Variants in DEPTOR observed in about 807,000 individuals in gnomAD.
DEPTOR encodes DEP domain containing MTOR interacting protein.
Under a neutral mutation model 41.6 loss-of-function variants are expected in DEPTOR, and 41 were observed. That is an observed-to-expected ratio of 0.98 (90% CI 0.77 to 1.28). DEPTOR has a LOEUF of 1.28. DEPTOR is among the 50% of genes most tolerant of loss of function. DEPTOR has a pLI of 0.00. For missense variants in DEPTOR, 514 were observed against 527.9 expected, an observed-to-expected ratio of 0.97 and a Z score of 0.26; for synonymous variants, 195 against 192.3, an observed-to-expected ratio of 1.01 and a Z score of -0.12.
chr8:120,008,547 C>T (rs1219929178), intron 7 of DEPTOR, among the ~76,000 whole-genome samples: 1 of 102,160 alleles, frequency 9.8e-6, no homozygotes, highest in African/African-American at 3.2e-5. Context: ...AAAAAAAAAG[C>T]CAGGTCTCTT....
intron 1 of DEPTOR, among the ~76,000 whole-genome samples, chr8:119,919,111 T>C (rs16892877): frequency 0.22 from 33,374 of 152,084 alleles, 4,228 homozygotes; most frequent in African/African-American, 0.34. Context: ...GTTGGGAGAA[T>C]TCAAGCATTT....
At chr8:120,023,250 T>C (rs1182542555) in intron 8 of DEPTOR, among the ~76,000 whole-genome samples, 1 of 152,174 alleles carries the variant, frequency 6.6e-6, no homozygotes, top group Non-Finnish European at 1.5e-5. Context: ...CTTTTCTTTT[T>C]TTTGTTTTTT....
chr8:119,992,849 G>T (rs1029927863), intron 4 of DEPTOR, among the ~76,000 whole-genome samples: 4 of 151,868 alleles, frequency 2.6e-5, no homozygotes, highest in Non-Finnish European at 4.4e-5. Context: ...CTGAGACAGG[G>T]TTTCACCATG....
chr8:120,003,224 G>T, intron 6 of DEPTOR, 113 bp downstream of exon 6: 1 of 1,511,250 alleles, frequency 6.6e-7, no homozygotes, highest in Non-Finnish European at 8.9e-7. Context: ...ATAAGTTAGA[G>T]CATGCTCTTG....
At chr8:120,022,783 G>A (rs542691268) in intron 8 of DEPTOR, among the ~76,000 whole-genome samples, 1 of 151,580 alleles carries the variant, frequency 6.6e-6, no homozygotes, top group South Asian at 2.1e-4. Flanking sequence ...CAATCCTCCT[G>A]CCTTGGCCTC....
rs1234732952 is a variant in DEPTOR at position 120,050,799 on chromosome 8, C to T, written c.*1095C>T. On this transcript the variant is annotated 3_prime_UTR_variant, in exon 9 of 9. Coordinates refer to ENST00000286234, the MANE Select transcript of DEPTOR (RefSeq NM_022783.4). ...GGCTCAGCGTGCAGAGGAAATTCCT[C>T]AAAGTGCCAAATTAGGCAGTCAGGA... The T allele has an allele frequency of 6.6e-6, 1 of 152,030 alleles. No homozygotes were observed. Among genetic ancestry groups the T allele is most frequent in the Non-Finnish European group, 1.5e-5 (1 of 68,006 alleles). The allele number at this position is 152,030 out of a possible 1,614,324, so 9.4% of individuals were successfully genotyped here.
intron 4 of DEPTOR, among the ~76,000 whole-genome samples, chr8:119,967,736 A>AGAG (rs1158709609): frequency 6.7e-6 from 1 of 148,716 alleles, no homozygotes; most frequent in Admixed American, 6.8e-5. Context: ...CCTGGGTGGC[A>AGAG]GAGCAAGACT....
chr8:119,930,851 G>A (rs958481394), intron 3 of DEPTOR, among the ~76,000 whole-genome samples: 1 of 152,110 alleles, frequency 6.6e-6, no homozygotes, highest in African/African-American at 2.4e-5. Context: ...TAGAAAAAGG[G>A]GTGCAGAAGC....
chr8:119,917,700 A>C (rs963360987), intron 1 of DEPTOR, among the ~76,000 whole-genome samples: 3 of 152,182 alleles, frequency 2.0e-5, no homozygotes, highest in African/African-American at 7.2e-5. Flanking sequence ...ACCTTTCCCC[A>C]GCCCAACACC....
chr8:119,879,863 G>A (rs1262215205), intron 1 of DEPTOR, among the ~76,000 whole-genome samples: 3 of 152,126 alleles, frequency 2.0e-5, no homozygotes, highest in African/African-American at 7.2e-5. Flanking sequence ...TACAAAATTA[G>A]CCGGGCATGG....
At chr8:119,972,018 C>A (rs978683790) in intron 4 of DEPTOR, among the ~76,000 whole-genome samples, 1 of 152,210 alleles carries the variant, frequency 6.6e-6, no homozygotes, top group Non-Finnish European at 1.5e-5. Context: ...AAGCCAAGTT[C>A]CCAGGTGCTA....
Position 120,046,226 on chromosome 8 carries a change from T to C in DEPTOR, c.1102-3350T>C, listed in dbSNP as rs181523493. On this transcript the variant is annotated intron_variant, in intron 8 of 8. Coordinates refer to ENST00000286234, the MANE Select transcript of DEPTOR (RefSeq NM_022783.4). ...GTTCACATACCATGCAATTTATCCATGTAAACTGTAGAATTCAGTAGTTTT... is the reference window on the plus strand; with the variant it reads ...GTTCACATACCATGCAATTTATCCACGTAAACTGTAGAATTCAGTAGTTTT... Among the ~76,000 whole-genome samples, 61 of 152,330 alleles carry C rather than the reference T, an allele frequency of 4.0e-4. 1 individual carries two copies. In the East Asian group the frequency reaches 0.011, roughly 28 times the overall value.
At position 120,034,443 on chromosome 8, in the gene DEPTOR, CTTTTTTT is replaced by C. The variant is rs148465030; in HGVS notation, c.1102-15117_1102-15111del. On this transcript the variant is annotated intron_variant, in intron 8 of 8. Transcript: ENST00000286234. ...TTTTTTTTTCTTTTTTTTCCTTTTT[CTTTTTTT>C]TTTTTTTTTTTTTTTGAGATGGAGT... Among the ~76,000 whole-genome samples, 4 of 91,586 alleles carry C rather than the reference CTTTTTTT, an allele frequency of 4.4e-5. No individual in the cohort carries two copies. The East Asian group carries it at 9.8e-4, about 22-fold the overall frequency. 60.1% of individuals were successfully genotyped at this position (91,586 alleles called of 152,430 possible). A position where few individuals can be genotyped will look rare whatever the true frequency, so the allele number is the denominator to read the frequency against.
chr8:119,997,338 G>A (rs1812281854), intron 4 of DEPTOR, among the ~76,000 whole-genome samples: 1 of 152,120 alleles, frequency 6.6e-6, no homozygotes, highest in Non-Finnish European at 1.5e-5. Flanking sequence ...GGGATCAAGC[G>A]ATCCTCCTGC....
At chr8:119,971,266 A>G (rs577417099) in intron 4 of DEPTOR, among the ~76,000 whole-genome samples, 94 of 151,816 alleles carry the variant, frequency 6.2e-4, no homozygotes, top group African/African-American at 2.1e-3. Flanking sequence ...TGGCTGAAAA[A>G]TCAACTCACA....
chr8:119,970,164 A>C (rs568066064), intron 4 of DEPTOR, among the ~76,000 whole-genome samples: 3 of 152,238 alleles, frequency 2.0e-5, no homozygotes, highest in African/African-American at 7.2e-5. Flanking sequence ...TATGTTGACC[A>C]CATCTATACA....
chr8:120,017,922 C>A (rs1054373362), intron 8 of DEPTOR, among the ~76,000 whole-genome samples: 3 of 152,108 alleles, frequency 2.0e-5, no homozygotes, highest in Non-Finnish European at 4.4e-5. Flanking sequence ...CTTAACGGGG[C>A]CTTTTTTCTC....
chr8:119,988,808 T>C lies in DEPTOR; in HGVS notation c.605-12717T>C, dbSNP rs1311318101. Among the ~76,000 whole-genome samples, 7 of 152,246 alleles carry C rather than the reference T, an allele frequency of 4.6e-5. No individual in the cohort carries two copies. The South Asian group carries it at 8.3e-4, about 18-fold the overall frequency. ...TACTAGGCCTTTTACATATGTTGTT[T>C]CATTGTTCCTCCAATTCATTTTATA... On this transcript the variant is annotated intron_variant, in intron 4 of 8. Coordinates refer to ENST00000286234, the MANE Select transcript of DEPTOR (RefSeq NM_022783.4).
intron 8 of DEPTOR, among the ~76,000 whole-genome samples, chr8:120,016,503 G>T (rs547271513): frequency 6.6e-6 from 1 of 151,960 alleles, no homozygotes; most frequent in Non-Finnish European, 1.5e-5. Context: ...GTTTCACCAT[G>T]TTGGTCAGGC....
Sources: gnomAD v4.1 joint callset for allele counts (sites outside exome capture counted in the v4.1 genomes callset) on GRCh38, gnomAD v4.1.1 for gene constraint, MANE v1.5 for transcripts, NCBI Gene and HGNC (gene_info 2026-07-23, HGNC 2026-07-21) for gene names.